The following ARRDC5 variants were observed in gnomAD, a reference collection of about 807,000 sequenced individuals.
ARRDC5 encodes the protein arrestin domain containing 5.
In ARRDC5, 12 loss-of-function variants were observed where a neutral mutation model predicts 13.3. That is an observed-to-expected ratio of 0.90 (90% confidence interval 0.58 to 1.46). ARRDC5 has a LOEUF of 1.46. Ranked by LOEUF, ARRDC5 falls within the 40% of genes most tolerant of loss-of-function variation. The probability of loss-of-function intolerance (pLI) is 0.00; values close to 1 mark genes in which losing one functional copy is unlikely to be tolerated. For synonymous variants in ARRDC5, 181 were observed against 173.4 expected (o/e 1.04, Z -0.34); for missense variants, 406 against 418.7 (o/e 0.97, Z 0.26).
At chr19:4,891,717 G>A in intron 2 of ARRDC5, 144 bp from the exon 3 acceptor site, 4 of 707,950 alleles carry the variant, frequency 5.7e-6, no homozygotes, top group Middle Eastern at 4.1e-4. Flanking sequence ...AACACCTTGG[G>A]AGGCCGAGGC....
At chr19:4,915,463 C>T in the ARRDC5 span, among the ~76,000 whole-genome samples, 7 of 152,338 alleles carry the variant, frequency 4.6e-5, no homozygotes, top group Middle Eastern at 3.4e-3. Context: ...ATTGTAATCC[C>T]GGTGCTTTGG....
intron 2 of ARRDC5, among the ~76,000 whole-genome samples, chr19:4,895,999 T>C (rs965350774): frequency 1.3e-5 from 2 of 152,178 alleles, no homozygotes; most frequent in African/African-American, 4.8e-5. Flanking sequence ...ACTGGCTTAG[T>C]TCCTGCCCTT....
chr19:4,905,287 T>C (rs376649742), upstream of ARRDC5, among the ~76,000 whole-genome samples: 6 of 149,300 alleles, frequency 4.0e-5, no homozygotes, highest in Admixed American at 1.3e-4. Context: ...CGGCTAATTT[T>C]TTTTTGTATT....
At chr19:4,915,096 C>A in the ARRDC5 span, among the ~76,000 whole-genome samples, 1 of 152,244 alleles carries the variant, frequency 6.6e-6, no homozygotes, top group Admixed American at 6.5e-5. Flanking sequence ...GACTTCCATG[C>A]CTCAAAGGCA....
At chr19:4,905,883 A>C (rs1445599577), upstream of ARRDC5, among the ~76,000 whole-genome samples, 12 of 152,202 alleles carry the variant, frequency 7.9e-5, no homozygotes, top group African/African-American at 1.2e-4. Context: ...GGAAGCCAAA[A>C]GATTGGACAC....
At chr19:4,906,883 C>A (rs1333576281), upstream of ARRDC5, among the ~76,000 whole-genome samples, 1 of 152,240 alleles carries the variant, frequency 6.6e-6, no homozygotes, top group Non-Finnish European at 1.5e-5. Context: ...CAGGTGCTGT[C>A]ATTTTGGAAG....
At chr19:4,913,252 C>CTTTTTTTTT in the ARRDC5 span, among the ~76,000 whole-genome samples, 2 of 111,200 alleles carry the variant, frequency 1.8e-5, 1 homozygote, top group Non-Finnish European at 3.5e-5. Context: ...GTACATTGTG[C>CTTTTTTTTT]TTTTTTTTTT....
the ARRDC5 span, among the ~76,000 whole-genome samples, chr19:4,916,305 C>CAA: frequency 1.9e-3 from 240 of 124,532 alleles, no homozygotes; most frequent in African/African-American, 4.9e-3. Flanking sequence ...GACTTTGTCT[C>CAA]AAAAAAAAAA....
At chr19:4,908,342 C>T in the ARRDC5 span, among the ~76,000 whole-genome samples, 6 of 152,184 alleles carry the variant, frequency 3.9e-5, no homozygotes, top group East Asian at 7.7e-4. Context: ...AATAGAGTGA[C>T]GAAGAAACTG....
chr19:4,898,915 C>T (rs1331393635), intron 1 of ARRDC5, among the ~76,000 whole-genome samples: 4 of 151,916 alleles, frequency 2.6e-5, no homozygotes, highest in Non-Finnish European at 2.9e-5. Context: ...CGTGAGCCAC[C>T]GTGCCCGGCC....
chr19:4,908,622 TGA>T, the ARRDC5 span, among the ~76,000 whole-genome samples: 43 of 152,304 alleles, frequency 2.8e-4, 1 homozygote, highest in African/African-American at 1.0e-3. Context: ...TCATCTTCTC[TGA>T]GAGGCCCACC....
chr19:4,906,132 A>G (rs2032059499), upstream of ARRDC5, among the ~76,000 whole-genome samples: 1 of 151,998 alleles, frequency 6.6e-6, no homozygotes, highest in South Asian at 2.1e-4. Context: ...GCACACCACC[A>G]TGCCTGGCTA....
chr19:4,898,073 C>T (rs1477761858), intron 1 of ARRDC5, among the ~76,000 whole-genome samples: 6 of 151,916 alleles, frequency 3.9e-5, no homozygotes, highest in South Asian at 2.1e-4. Flanking sequence ...GGTGACAGAG[C>T]GAGACGCCAT....
At chr19:4,909,555 A>T in the ARRDC5 span, 81 of 658,812 alleles carry the variant, frequency 1.2e-4, 1 homozygote, top group East Asian at 2.3e-3. Context: ...TCCGGGTCGC[A>T]CGCAAGTCCG....
At chr19:4,903,747 C>T (rs1273282008), upstream of ARRDC5, 1 of 152,142 alleles carries the variant, frequency 6.6e-6, no homozygotes, top group African/African-American at 2.4e-5. Flanking sequence ...ACATGATTCG[C>T]CTGCCTTGGC....
At chr19:4,905,997 G>A (rs2032057643), upstream of ARRDC5, among the ~76,000 whole-genome samples, 1 of 152,080 alleles carries the variant, frequency 6.6e-6, no homozygotes. Context: ...TATTTTTTGA[G>A]ACAGAGTCTC....
At chr19:4,914,732 C>T in the ARRDC5 span, among the ~76,000 whole-genome samples, 2 of 151,272 alleles carry the variant, frequency 1.3e-5, no homozygotes, top group East Asian at 1.9e-4. Flanking sequence ...TCGGGTACAA[C>T]GCTCTGCACT....
intron 2 of ARRDC5, among the ~76,000 whole-genome samples, chr19:4,896,350 T>A (rs6510830): frequency 0.57 from 32,516 of 56,688 alleles, 7,404 homozygotes; most frequent in Non-Finnish European, 0.62. Context: ...ATATATATAT[T>A]TTTTTTTTTT....
chr19:4,909,741 C>T, the ARRDC5 span: 8 of 488,684 alleles, frequency 1.6e-5, no homozygotes, highest in East Asian at 2.9e-4. Flanking sequence ...GCGCGGCCAG[C>T]CCGGGCGCAC....
Sources: gnomAD v4.1 joint callset for allele counts (sites outside exome capture counted in the v4.1 genomes callset) on GRCh38, gnomAD v4.1.1 for gene constraint, MANE v1.5 for transcripts, NCBI Gene and HGNC (gene_info 2026-07-23, HGNC 2026-07-21) for gene names.